The following PIK3CA variants were observed in gnomAD, a reference collection of about 807,000 sequenced individuals.
PIK3CA encodes the protein phosphatidylinositol 4,5-bisphosphate 3-kinase catalytic subunit alpha isoform.
In PIK3CA, 27 loss-of-function variants were observed where a neutral mutation model predicts 138.2. The observed-to-expected ratio is 0.20, with a 90% CI of 0.14 to 0.27. The LOEUF is 0.27. Among genes scored for constraint, PIK3CA ranks in the 10% least tolerant of loss-of-function variants. The pLI is 1.00. For missense variants in PIK3CA, 544 were observed against 1,277.4 expected (o/e 0.43, Z 8.75); for synonymous variants, 358 against 413.2 (o/e 0.87, Z 1.62).
rs35995073 is a variant in PIK3CA, at chr3:179,150,170, CGTGTGT to C, written c.-77+1594_-77+1599del. Among the ~76,000 whole-genome samples the C allele has an allele frequency of 3.7e-3, 546 of 147,094 alleles. 2 individuals are homozygous for C. Among genetic ancestry groups the C allele is most frequent in the Middle Eastern group, 0.01 (3 of 288 alleles). On this transcript the variant is annotated intron_variant, in intron 1 of 20. Coordinates refer to ENST00000263967, the MANE Select transcript of PIK3CA (RefSeq NM_006218.4). Reference sequence around the variant, plus strand: ...ATCTGAAGAGGACTGTGTGTGTTTACGTGTGTGTGTGTGTGTGTGTGTGTGTGTGTG... The same window carrying C: ...ATCTGAAGAGGACTGTGTGTGTTTACGTGTGTGTGTGTGTGTGTGTGTGTG...
chr3:179,187,492 C>T (rs112180166), intron 1 of PIK3CA, among the ~76,000 whole-genome samples: 12,412 of 127,778 alleles, frequency 0.097, 965 homozygotes, highest in African/African-American at 0.2. Flanking sequence ...GAGCCGAGAT[C>T]GCGCCACTGC....
chr3:179,194,329 T>C (rs1303178891), intron 1 of PIK3CA, among the ~76,000 whole-genome samples: 1 of 152,078 alleles, frequency 6.6e-6, no homozygotes, highest in Non-Finnish European at 1.5e-5. Context: ...GCTAAAATGA[T>C]CCTCCCACCT....
intron 1 of PIK3CA, among the ~76,000 whole-genome samples, chr3:179,149,140 A>G (rs915261907): frequency 4.0e-5 from 6 of 151,862 alleles, no homozygotes; most frequent in African/African-American, 1.5e-4. Context: ...TGGAAGGAAC[A>G]CCGCTCCCCT....
intron 1 of PIK3CA, among the ~76,000 whole-genome samples, chr3:179,175,273 G>A (rs759194245): frequency 1.2e-4 from 18 of 152,218 alleles, no homozygotes; most frequent in Admixed American, 7.9e-4. Context: ...TTAAGTGAGT[G>A]TAGAATGCTA....
chr3:179,206,086 C>CT (rs751353057), intron 6 of PIK3CA, among the ~76,000 whole-genome samples: 10,149 of 105,046 alleles, frequency 0.097, 588 homozygotes, highest in African/African-American at 0.15. Context: ...ACTTCAGGAT[C>CT]TTTTTTTTTT....
intron 14 of PIK3CA, among the ~76,000 whole-genome samples, chr3:179,222,058 C>T (rs1724981457): frequency 6.6e-6 from 1 of 151,770 alleles, no homozygotes; most frequent in South Asian, 2.1e-4. Context: ...TTTATTCAAT[C>T]CAATCCACCA....
In PIK3CA at chr3:179,201,808, A is replaced by G. The variant is rs150212988; in HGVS notation, c.813+268A>G. 2.9e-3 allele frequency among the ~76,000 whole-genome samples: 436 copies of G among 151,752 alleles called. 2 individuals are homozygous for G. Among genetic ancestry groups the G allele is most frequent in the Non-Finnish European group, 4.7e-3 (319 of 67,938 alleles). On this transcript the variant is annotated intron_variant, in intron 4 of 20. Transcript: ENST00000263967. ...TTTTAGTAGAGACAGGTTTTGCACC[A>G]TGTTATCTAGGATAGTCTTGATCTC...
chr3:179,163,602 A>G (rs770428576), intron 1 of PIK3CA, among the ~76,000 whole-genome samples: 4 of 152,188 alleles, frequency 2.6e-5, no homozygotes, highest in Non-Finnish European at 5.9e-5. Context: ...CAAAAATTCA[A>G]TAGATGTTTG....
At chr3:179,148,914 GGCC>G (rs933547746) in intron 1 of PIK3CA, among the ~76,000 whole-genome samples, 1 of 151,836 alleles carries the variant, frequency 6.6e-6, no homozygotes, top group African/African-American at 2.4e-5. Flanking sequence ...GTGCGCCCAG[GGCC>G]GCCGCCCCGG....
upstream of PIK3CA, chr3:179,148,219 T>C (rs1576907681): frequency 1.4e-5 from 2 of 145,754 alleles, no homozygotes; most frequent in Admixed American, 6.8e-5. Context: ...GTTTACACGA[T>C]GTGAGCGGAA....
At chr3:179,161,903 A>T (rs900224458) in intron 1 of PIK3CA, among the ~76,000 whole-genome samples, 1 of 152,268 alleles carries the variant, frequency 6.6e-6, no homozygotes, top group East Asian at 1.9e-4. Flanking sequence ...ATATTTTTTT[A>T]AAAAGCTGAG....
Position 179,239,238 on chromosome 3 carries a change from A to G in PIK3CA, c.*4874A>G, listed in dbSNP as rs1725391701. 4.9e-6 allele frequency: 1 copy of G among 205,320 alleles called. No individual in the cohort carries two copies. Among genetic ancestry groups the G allele is most frequent in the African/African-American group, 2.3e-5 (1 of 43,814 alleles). 12.7% of individuals were successfully genotyped at this position (205,320 alleles called of 1,614,324 possible). A position where few individuals can be genotyped will look rare whatever the true frequency, so the allele number is the denominator to read the frequency against. The stretch of plus-strand genomic sequence containing the variant: ...TTAGCCAGTTAAAGTCTATGAATCT[A>G]TCTGCAACCTTATTTAATCTGTCAC... On this transcript the variant is annotated 3_prime_UTR_variant, in exon 21 of 21. Coordinates refer to ENST00000263967, the MANE Select transcript of PIK3CA (RefSeq NM_006218.4).
At chr3:179,188,601 G>A (rs1051713722) in intron 1 of PIK3CA, among the ~76,000 whole-genome samples, 1 of 152,070 alleles carries the variant, frequency 6.6e-6, no homozygotes, top group African/African-American at 2.4e-5. Context: ...TGAGAGTGAT[G>A]GTTTACTTCT....
chr3:179,239,044 G>C lies in PIK3CA; in HGVS notation c.*4680G>C, dbSNP rs1392392344. The C allele has an allele frequency of 4.6e-6, 1 of 217,332 alleles. No individual in the cohort carries two copies. Among genetic ancestry groups the C allele is most frequent in the Non-Finnish European group, 9.2e-6 (1 of 108,240 alleles). The allele number at this position is 217,332 out of a possible 1,614,324, so 13.5% of individuals were successfully genotyped here. The stretch of plus-strand genomic sequence containing the variant: ...GCATAAAGTGACAGGTGTGAGCCAT[G>C]AGGAAATTTTCTGACTTAATTTGTA... On this transcript the variant is annotated 3_prime_UTR_variant, in exon 21 of 21. Transcript: ENST00000263967.
intron 18 of PIK3CA, 124 bp from the exon 19 acceptor site, chr3:179,229,880 T>C (rs1468202649): frequency 1.6e-6 from 1 of 609,488 alleles, no homozygotes; most frequent in Non-Finnish European, 2.8e-6. Context: ...GGACATAATT[T>C]CCTTATTCGT....
In PIK3CA at chr3:179,230,137, G is replaced by A. The variant is rs1476984615; in HGVS notation, c.2784+16G>A. On this transcript the variant is annotated intron_variant, in intron 19 of 20. Transcript: ENST00000263967. The surrounding 1 kb of genome is among the most constrained non-coding windows in gnomAD (Gnocchi z 5.4). ...CGATGGACAAGTAATGGTTTTCTCT[G>A]TTTAAAATGTTTTGGTGTTCTTAAT... The A allele has an allele frequency of 6.3e-7, 1 of 1,587,618 alleles. No individual in the cohort carries two copies. The highest frequency in any genetic ancestry group is 1.7e-5 in the Admixed American group (1 of 59,756).
chr3:179,153,129 T>TA (rs1723053916), intron 1 of PIK3CA, among the ~76,000 whole-genome samples: 1 of 152,078 alleles, frequency 6.6e-6, no homozygotes, highest in South Asian at 2.1e-4. Flanking sequence ...ATATAAGAAA[T>TA]ATAGGAAAAA....
chr3:179,149,761 C>T (rs1203463246), intron 1 of PIK3CA: 1 of 152,174 alleles, frequency 6.6e-6, no homozygotes, highest in Non-Finnish European at 1.5e-5. Context: ...TCTACTGCGA[C>T]TTTTGAACCA....
chr3:179,179,376 A>G (rs1330982896), intron 1 of PIK3CA, among the ~76,000 whole-genome samples: 2 of 152,236 alleles, frequency 1.3e-5, no homozygotes, highest in African/African-American at 2.4e-5. Flanking sequence ...ACCTGACAGT[A>G]TGTTAACCAA....
Sources: gnomAD v4.1 joint callset for allele counts (sites outside exome capture counted in the v4.1 genomes callset) on GRCh38, gnomAD v4.1.1 for gene constraint, Gnocchi (gnomAD v3.1) non-coding constraint, MANE v1.5 for transcripts, NCBI Gene and HGNC (gene_info 2026-07-23, HGNC 2026-07-21) for gene names.